Variants in KANSL1 observed in about 807,000 individuals in gnomAD.
KANSL1 encodes the protein KAT8 regulatory NSL complex subunit 1.
In KANSL1, 22 loss-of-function variants were observed where a neutral mutation model predicts 103.6. That is an observed-to-expected ratio of 0.21 (90% CI 0.15 to 0.30). KANSL1 has a LOEUF of 0.30. Among genes scored for constraint, KANSL1 ranks in the 10% least tolerant of loss-of-function variants. The pLI, the probability that KANSL1 is intolerant of heterozygous loss-of-function variation, is 1.00. For missense variants in KANSL1, 1,337 were observed against 1,399.8 expected, an observed-to-expected ratio of 0.96 and a Z score of 0.72; for synonymous variants, 600 against 527.6, an observed-to-expected ratio of 1.14 and a Z score of -1.88.
Position 46,096,311 on chromosome 17 carries a change from C to CTTTTTCT in KANSL1, c.1290-1611_1290-1610insAGAAAAA, listed in dbSNP as rs1555760872. 2.3e-3 allele frequency among the ~76,000 whole-genome samples: 176 copies of CTTTTTCT among 76,430 alleles called. 4 individuals carry two copies. Among genetic ancestry groups the CTTTTTCT allele is most frequent in the African/African-American group, 9.5e-3 (170 of 17,872 alleles). The allele number at this position is 76,430 out of a possible 152,430, so 50.1% of individuals were successfully genotyped here. ...CATACTACATACCTGGCTTTTTTTT[C>CTTTTTCT]TTTTTTTTTTTTTTTTTTTTTGAGA... On this transcript the variant is annotated intron_variant, in intron 2 of 14. Coordinates refer to ENST00000432791, the MANE Select transcript of KANSL1 (RefSeq NM_015443.4).
chr17:46,096,311 CTTTT>C (rs71138525), intron 2 of KANSL1, among the ~76,000 whole-genome samples: 13,594 of 75,392 alleles, frequency 0.18, 1,255 homozygotes, highest in East Asian at 0.55. Context: ...GCTTTTTTTT[CTTTT>C]TTTTTTTTTT....
intron 1 of KANSL1, among the ~76,000 whole-genome samples, chr17:46,175,116 C>T (rs919382921): frequency 1.3e-5 from 2 of 152,168 alleles, no homozygotes; most frequent in Admixed American, 6.5e-5. Flanking sequence ...CAAATGAGGG[C>T]AATCTCCAAT....
chr17:46,144,355 GCAA>G (rs1776619574), intron 2 of KANSL1, among the ~76,000 whole-genome samples: 2 of 152,230 alleles, frequency 1.3e-5, no homozygotes, highest in Non-Finnish European at 2.9e-5. Context: ...CAAGAGGCCT[GCAA>G]CAACAAACTT....
At chr17:46,147,815 G>A (rs118098974) in intron 2 of KANSL1, among the ~76,000 whole-genome samples, 1 of 152,304 alleles carries the variant, frequency 6.6e-6, no homozygotes, top group Non-Finnish European at 1.5e-5. Flanking sequence ...GTATTTTCTC[G>A]AAGTTTGGTA....
chr17:46,218,486 C>G (rs1042023785), intron 1 of KANSL1, among the ~76,000 whole-genome samples: 1 of 152,200 alleles, frequency 6.6e-6, no homozygotes, highest in African/African-American at 2.4e-5. Context: ...CTATTATTAA[C>G]AGTAATTACA....
intron 1 of KANSL1, among the ~76,000 whole-genome samples, chr17:46,179,440 T>C (rs554916872): frequency 6.8e-6 from 1 of 147,464 alleles, no homozygotes; most frequent in South Asian, 2.1e-4. Context: ...GTCATCCAGG[T>C]GGCCAACAAG....
chr17:46,152,731 C>T (rs2696574), intron 2 of KANSL1, among the ~76,000 whole-genome samples: 18,727 of 150,166 alleles, frequency 0.12, 22 homozygotes, highest in Middle Eastern at 0.19. Context: ...TGATACCAAC[C>T]GAGGGTTTCA....
At chr17:46,178,041 T>C (rs1442615745) in intron 1 of KANSL1, among the ~76,000 whole-genome samples, 2 of 152,070 alleles carry the variant, frequency 1.3e-5, no homozygotes. Context: ...CCTCCCAAAG[T>C]GCTGGGATTA....
chr17:46,207,749 G>A (rs1281219188), intron 1 of KANSL1, among the ~76,000 whole-genome samples: 1 of 152,232 alleles, frequency 6.6e-6, no homozygotes, highest in Non-Finnish European at 1.5e-5. Context: ...AGGCCAAGGT[G>A]CGGGGACTGC....
At chr17:46,089,817 G>A (rs574743769) in intron 3 of KANSL1, among the ~76,000 whole-genome samples, 39 of 152,338 alleles carry the variant, frequency 2.6e-4, no homozygotes, top group South Asian at 2.1e-3. Flanking sequence ...TGAAAATCGT[G>A]AATGAGAGTA....
At chr17:46,083,538 C>T (rs2079055044) in intron 3 of KANSL1, among the ~76,000 whole-genome samples, 1 of 152,056 alleles carries the variant, frequency 6.6e-6, no homozygotes. Context: ...GGAAGGGAGG[C>T]AGGACATGGT....
At chr17:46,086,769 C>T (rs550555894) in intron 3 of KANSL1, among the ~76,000 whole-genome samples, 41 of 152,058 alleles carry the variant, frequency 2.7e-4, no homozygotes, top group Non-Finnish European at 3.8e-4. Flanking sequence ...GCCTGGGCGA[C>T]GTGGCAAAAC....
intron 2 of KANSL1, among the ~76,000 whole-genome samples, chr17:46,103,785 G>A (rs2042417898): frequency 6.6e-6 from 1 of 152,200 alleles, no homozygotes; most frequent in Admixed American, 6.5e-5. Context: ...CAGCACTTTG[G>A]GAGGCTGAGG....
chr17:46,107,660 C>G (rs1310009387), intron 2 of KANSL1, among the ~76,000 whole-genome samples: 1 of 152,214 alleles, frequency 6.6e-6, no homozygotes, highest in East Asian at 1.9e-4. Flanking sequence ...CAAATTCCTA[C>G]CTCGAGCTGA....
At chr17:46,059,645 A>AAAAGAG (rs1336005883) in intron 6 of KANSL1, among the ~76,000 whole-genome samples, 1 of 14,764 alleles carries the variant, frequency 6.8e-5, no homozygotes, top group Non-Finnish European at 2.5e-4. Flanking sequence ...AAAAAAAAAA[A>AAAAGAG]AAAGAGAGAG....
chr17:46,174,831 G>T (rs2532265), intron 1 of KANSL1, among the ~76,000 whole-genome samples: 21,944 of 152,128 alleles, frequency 0.14, 2,137 homozygotes, highest in Non-Finnish European at 0.22. Flanking sequence ...GTGCCACCAT[G>T]CCCGGCTAAT....
intron 2 of KANSL1, among the ~76,000 whole-genome samples, chr17:46,137,522 T>C (rs2077551): frequency 0.12 from 18,652 of 150,148 alleles, 22 homozygotes; most frequent in Middle Eastern, 0.19. Context: ...CTCGATACAA[T>C]TGTCATAAAA....
At chr17:46,091,735 G>A (rs1347427279) in intron 3 of KANSL1, among the ~76,000 whole-genome samples, 1 of 151,782 alleles carries the variant, frequency 6.6e-6, no homozygotes, top group African/African-American at 2.4e-5. Context: ...AGGAGCAATA[G>A]GCTATATACC....
chr17:46,057,642 G>A lies in KANSL1; in HGVS notation c.1849-6938C>T, dbSNP rs191722643. On this transcript the variant is annotated intron_variant, in intron 6 of 14. Transcript: ENST00000432791. ...CGAAACTAAAACTGGACTTATTCAC[G>A]TTTCTACTAGTTTTCAAGAAAAACA... 7.2e-3 allele frequency among the ~76,000 whole-genome samples: 1,094 copies of A among 152,112 alleles called. 17 individuals carry two copies. Among genetic ancestry groups the A allele is most frequent in the Non-Finnish European group, 6.1e-3 (416 of 68,002 alleles).
Sources: gnomAD v4.1 joint callset for allele counts (sites outside exome capture counted in the v4.1 genomes callset) on GRCh38, gnomAD v4.1.1 for gene constraint, MANE v1.5 for transcripts, NCBI Gene and HGNC (gene_info 2026-07-23, HGNC 2026-07-21) for gene names.